The following SGCZ variants were observed in gnomAD, a reference collection of about 807,000 sequenced individuals.
SGCZ encodes sarcoglycan zeta.
In SGCZ, 40 loss-of-function variants were observed where a neutral mutation model predicts 41.3. The observed-to-expected ratio is 0.97, with a 90% CI of 0.75 to 1.26. The LOEUF is 1.26. Among genes scored for constraint, SGCZ ranks in the 50% most tolerant of loss-of-function variants. The probability of loss-of-function intolerance (pLI) is 0.00; values close to 1 mark genes in which losing one functional copy is unlikely to be tolerated. For synonymous variants in SGCZ, 206 were observed against 137.5 expected (o/e 1.50, Z -3.49); for missense variants, 552 against 369.8 (o/e 1.49, Z -4.04).
At chr8:14,709,619 T>A (rs1405101991) in intron 1 of SGCZ, among the ~76,000 whole-genome samples, 6 of 151,978 alleles carry the variant, frequency 3.9e-5, no homozygotes, top group African/African-American at 1.5e-4. Context: ...ACAGTGATTT[T>A]AAAAATTAAA....
At chr8:14,780,468 A>G (rs1281230464) in intron 1 of SGCZ, among the ~76,000 whole-genome samples, 1 of 152,078 alleles carries the variant, frequency 6.6e-6, no homozygotes, top group East Asian at 1.9e-4. Flanking sequence ...AATTTCATAT[A>G]GCCTATCATG....
At chr8:14,954,480 C>T (rs1800734626) in intron 1 of SGCZ, among the ~76,000 whole-genome samples, 1 of 152,188 alleles carries the variant, frequency 6.6e-6, no homozygotes, top group Middle Eastern at 3.4e-3. Flanking sequence ...CTTGTTAAAA[C>T]CAGTAAAAGA....
In SGCZ at chr8:14,983,159, T is replaced by G. The variant is rs1801722983; in HGVS notation, c.39+254426A>C. Reference sequence around the variant, plus strand: ...CCTGCTGGTGCTTATTTCATTGTATTCGGTGCTGTCACTCCTTTTTTTTTT... The same window carrying G: ...CCTGCTGGTGCTTATTTCATTGTATGCGGTGCTGTCACTCCTTTTTTTTTT... On this transcript the variant is annotated intron_variant, in intron 1 of 7. Coordinates refer to ENST00000382080, the MANE Select transcript of SGCZ (RefSeq NM_139167.4). 4.6e-5 allele frequency among the ~76,000 whole-genome samples: 7 copies of G among 151,186 alleles called. No homozygotes were observed. The South Asian group carries it at 1.5e-3, about 32-fold the overall frequency.
chr8:14,362,146 A>AC (rs992500413), intron 2 of SGCZ, among the ~76,000 whole-genome samples: 2 of 151,788 alleles, frequency 1.3e-5, no homozygotes, highest in Admixed American at 6.6e-5. Flanking sequence ...TGGGTCTGGG[A>AC]CCCCCTTGAG....
At position 14,883,211 on chromosome 8, in the gene SGCZ, C is replaced by T. The variant is rs1804660504; in HGVS notation, c.40-328285G>A. Among the ~76,000 whole-genome samples, 3 of 148,382 alleles carry T rather than the reference C, an allele frequency of 2.0e-5. No individual in the cohort carries two copies. The South Asian group carries it at 6.4e-4, about 31-fold the overall frequency. ...CAGAAAGAAGAAAGTCTATGAACCTCCCTCGCCTCAATGTTGGGCTACTTA... is the reference window on the plus strand; with the variant it reads ...CAGAAAGAAGAAAGTCTATGAACCTTCCTCGCCTCAATGTTGGGCTACTTA... On this transcript the variant is annotated intron_variant, in intron 1 of 7. Coordinates refer to ENST00000382080, the MANE Select transcript of SGCZ (RefSeq NM_139167.4).
At chr8:14,990,159 G>A (rs1801960310) in intron 1 of SGCZ, among the ~76,000 whole-genome samples, 1 of 152,064 alleles carries the variant, frequency 6.6e-6, no homozygotes. Context: ...TGAAGCAGTG[G>A]CAATTAACGC....
chr8:15,084,526 G>A (rs534780114), intron 1 of SGCZ, among the ~76,000 whole-genome samples: 54 of 152,234 alleles, frequency 3.5e-4, no homozygotes, highest in South Asian at 2.1e-4. Flanking sequence ...CGAGGCTGGC[G>A]GATAACCTGA....
chr8:14,944,040 G>T (rs1330415417), intron 1 of SGCZ, among the ~76,000 whole-genome samples: 1 of 151,948 alleles, frequency 6.6e-6, no homozygotes, highest in Non-Finnish European at 1.5e-5. Flanking sequence ...CCATGTATTT[G>T]CTACTGTGAA....
At chr8:14,203,526 T>G (rs1805523072) in intron 4 of SGCZ, among the ~76,000 whole-genome samples, 1 of 152,192 alleles carries the variant, frequency 6.6e-6, no homozygotes, top group South Asian at 2.1e-4. Context: ...GGATTCAATT[T>G]AATGTGCTCC....
chr8:14,398,241 G>A (rs1045285763), intron 2 of SGCZ, among the ~76,000 whole-genome samples: 2 of 152,124 alleles, frequency 1.3e-5, no homozygotes, highest in East Asian at 3.8e-4. Flanking sequence ...AGAGTTATTC[G>A]AGCATTCTAA....
At chr8:14,385,506 A>C (rs1804544296) in intron 2 of SGCZ, among the ~76,000 whole-genome samples, 1 of 152,150 alleles carries the variant, frequency 6.6e-6, no homozygotes, top group Non-Finnish European at 1.5e-5. Flanking sequence ...TACCTTTCAA[A>C]ATGCACCAAG....
At chr8:14,718,692 T>C (rs1477663617) in intron 1 of SGCZ, among the ~76,000 whole-genome samples, 6 of 151,902 alleles carry the variant, frequency 3.9e-5, no homozygotes, top group Non-Finnish European at 7.4e-5. Flanking sequence ...TAAATTCAAA[T>C]GACAGTGTTG....
chr8:14,208,533 C>A (rs573443904), intron 4 of SGCZ, among the ~76,000 whole-genome samples: 17 of 152,058 alleles, frequency 1.1e-4, no homozygotes, highest in Non-Finnish European at 2.2e-4. Context: ...CATGAAAATA[C>A]ACAAAGATAT....
chr8:14,436,684 C>T (rs1585510853), intron 2 of SGCZ, among the ~76,000 whole-genome samples: 1 of 152,196 alleles, frequency 6.6e-6, no homozygotes, highest in Non-Finnish European at 1.5e-5. Context: ...GTCATTCGCA[C>T]TGCAGTAACA....
chr8:14,292,488 A>C (rs1185862829), intron 3 of SGCZ, among the ~76,000 whole-genome samples: 1 of 152,018 alleles, frequency 6.6e-6, no homozygotes, highest in Non-Finnish European at 1.5e-5. Context: ...GAGATCAACA[A>C]AGAATTCAAC....
intron 4 of SGCZ, among the ~76,000 whole-genome samples, chr8:14,171,736 C>T (rs191310787): frequency 6.6e-6 from 1 of 151,694 alleles, no homozygotes; most frequent in East Asian, 1.9e-4. Flanking sequence ...ATTTATCCTA[C>T]CACTTATGCC....
intron 1 of SGCZ, among the ~76,000 whole-genome samples, chr8:14,595,092 T>A (rs1182346514): frequency 6.7e-6 from 1 of 150,306 alleles, no homozygotes; most frequent in Non-Finnish European, 1.5e-5. Context: ...TAATTTGTTA[T>A]CACCTCAAAA....
At chr8:14,643,524 A>T (rs1807095204) in intron 1 of SGCZ, among the ~76,000 whole-genome samples, 1 of 151,300 alleles carries the variant, frequency 6.6e-6, no homozygotes, top group Admixed American at 6.6e-5. Flanking sequence ...AAGGTCAGGG[A>T]GATAAGTGAA....
chr8:15,198,474 G>T (rs1800799599), intron 1 of SGCZ, among the ~76,000 whole-genome samples: 1 of 152,068 alleles, frequency 6.6e-6, no homozygotes, highest in African/African-American at 2.4e-5. Context: ...TTTAGGTTAG[G>T]AAATGAAAGT....
Sources: gnomAD v4.1 joint callset for allele counts (sites outside exome capture counted in the v4.1 genomes callset) on GRCh38, gnomAD v4.1.1 for gene constraint, MANE v1.5 for transcripts, NCBI Gene and HGNC (gene_info 2026-07-23, HGNC 2026-07-21) for gene names.